Variants in COL5A2 observed in about 807,000 individuals in gnomAD.
COL5A2 encodes collagen type V alpha 2 chain.
COL5A2 carries 23 observed loss-of-function variants against 208.2 expected under a neutral mutation model. The ratio of observed to expected loss-of-function variants is 0.11; its 90% CI spans 0.08 to 0.16. The LOEUF is 0.16. COL5A2 is among the 10% of genes least tolerant of loss of function. The pLI is 1.00. For synonymous variants in COL5A2, 625 were observed against 628.5 expected (o/e 0.99, Z 0.08); for missense variants, 1,590 against 1,956.4 (o/e 0.81, Z 3.53).
chr2:189,189,480 TA>T (rs1179439647), intron 1 of COL5A2, among the ~76,000 whole-genome samples: 1 of 152,072 alleles, frequency 6.6e-6, no homozygotes, highest in African/African-American at 2.4e-5. Context: ...GGCCAGGAGT[TA>T]AAGACCAGCC....
rs1296613540 is a variant in COL5A2 at position 189,085,155 on chromosome 2, C to T, written c.798+5G>A. 6 of 1,611,182 alleles carry T rather than the reference C, an allele frequency of 3.7e-6. No individual in the cohort carries two copies. Among genetic ancestry groups the T allele is most frequent in the Non-Finnish European group, 5.1e-6 (6 of 1,178,372 alleles). ...CTGAATGGAAAATGAGGAAAGGTAG[C>T]TTACATCTTCCCCAGGTTTACCAGG... On this transcript the variant is annotated splice_donor_5th_base_variant and intron_variant, in intron 11 of 53. Coordinates refer to ENST00000374866, the MANE Select transcript of COL5A2 (RefSeq NM_000393.5).
At chr2:189,370,028 C>T in the COL5A2 span, among the ~76,000 whole-genome samples, 1 of 152,136 alleles carries the variant, frequency 6.6e-6, no homozygotes, top group South Asian at 2.1e-4. Flanking sequence ...GTTCTATGTG[C>T]TTTACATTTT....
chr2:189,340,064 T>C, the COL5A2 span, among the ~76,000 whole-genome samples: 1 of 152,144 alleles, frequency 6.6e-6, no homozygotes, highest in Non-Finnish European at 1.5e-5. Context: ...AGGGGTGTCA[T>C]GGGATAAGGC....
At chr2:189,378,941 C>T in the COL5A2 span, among the ~76,000 whole-genome samples, 104 of 152,028 alleles carry the variant, frequency 6.8e-4, no homozygotes, top group African/African-American at 2.3e-3. Flanking sequence ...ATGATACAGG[C>T]TTATTATTAA....
intron 25 of COL5A2, 29 bp downstream of exon 25, chr2:189,064,528 G>A: frequency 6.7e-7 from 1 of 1,487,480 alleles, no homozygotes. Context: ...TCTCCCCTTT[G>A]ATGTAGCAAA....
chr2:189,404,854 C>T, the COL5A2 span, among the ~76,000 whole-genome samples: 2 of 152,168 alleles, frequency 1.3e-5, no homozygotes, highest in South Asian at 2.1e-4. Flanking sequence ...ATTTATATTG[C>T]TGAGTAGTAT....
rs75534827 is a variant in COL5A2, at chr2:189,117,979, T to A, written c.98-7530A>T. 8.3e-3 allele frequency among the ~76,000 whole-genome samples: 1,261 copies of A among 152,244 alleles called. 17 individuals are homozygous for A. The highest frequency in any genetic ancestry group is 0.028 in the African/African-American group (1,165 of 41,570). ...AGTTGTTTGCTTAAGAAGCTTTATA[T>A]GGTAAAGTCATTTCATAATATTCTT... On this transcript the variant is annotated intron_variant, in intron 1 of 53. Transcript: ENST00000374866.
At chr2:189,063,525 G>A (rs975813144) in intron 26 of COL5A2, among the ~76,000 whole-genome samples, 8 of 152,010 alleles carry the variant, frequency 5.3e-5, no homozygotes, top group Non-Finnish European at 1.0e-4. Flanking sequence ...TATTAATAGG[G>A]GAAATCTTTC....
exon 1 of COL5A2, among the ~76,000 whole-genome samples, chr2:189,225,233 C>CT: frequency 6.6e-6 from 1 of 152,204 alleles, no homozygotes; most frequent in East Asian, 1.9e-4. Flanking sequence ...AGCAGCAACT[C>CT]TAGGATCCAA....
chr2:189,303,240 G>A, the COL5A2 span, among the ~76,000 whole-genome samples: 50 of 152,104 alleles, frequency 3.3e-4, no homozygotes, highest in Admixed American at 2.1e-3. Context: ...ACAGTTTCAC[G>A]CATGCATGGA....
At chr2:189,176,320 T>C (rs549709674) in intron 1 of COL5A2, among the ~76,000 whole-genome samples, 98 of 152,312 alleles carry the variant, frequency 6.4e-4, no homozygotes, top group African/African-American at 2.2e-3. Flanking sequence ...TAATTCTGAA[T>C]GCCTTAAAGT....
At chr2:189,049,698 T>C (rs1685744209) in intron 43 of COL5A2, among the ~76,000 whole-genome samples, 1 of 152,186 alleles carries the variant, frequency 6.6e-6, no homozygotes, top group African/African-American at 2.4e-5. Flanking sequence ...AGGTGTGCAT[T>C]TTGGGTTCTA....
chr2:189,207,909 T>A (rs1361292585), intron 1 of COL5A2, among the ~76,000 whole-genome samples: 1 of 152,202 alleles, frequency 6.6e-6, no homozygotes, highest in South Asian at 2.1e-4. Context: ...ACTCTTGCCA[T>A]TTGGGGTCAT....
At chr2:189,187,470 T>G (rs1688867058) in intron 1 of COL5A2, among the ~76,000 whole-genome samples, 1 of 152,212 alleles carries the variant, frequency 6.6e-6, no homozygotes, top group Non-Finnish European at 1.5e-5. Context: ...ACGTCTTTTC[T>G]GCTTTTCAAT....
At chr2:189,279,748 T>C in the COL5A2 span, among the ~76,000 whole-genome samples, 1 of 152,116 alleles carries the variant, frequency 6.6e-6, no homozygotes, top group African/African-American at 2.4e-5. Context: ...TAAAATAATT[T>C]ACAAGAACAA....
At chr2:189,092,212 G>A (rs1245251337) in intron 7 of COL5A2, 98 bp downstream of exon 7, 13 of 797,270 alleles carry the variant, frequency 1.6e-5, no homozygotes, top group Non-Finnish European at 2.6e-5. Context: ...TTACAGTCAA[G>A]TGTCAATATC....
the COL5A2 span, among the ~76,000 whole-genome samples, chr2:189,315,693 G>A: frequency 6.6e-6 from 1 of 152,036 alleles, no homozygotes; most frequent in Non-Finnish European, 1.5e-5. Flanking sequence ...CCTTGTCTAG[G>A]CCCAAAAGCT....
chr2:189,061,128 GT>G (rs908473324), intron 30 of COL5A2, among the ~76,000 whole-genome samples: 4 of 151,836 alleles, frequency 2.6e-5, no homozygotes, highest in Non-Finnish European at 5.9e-5. Flanking sequence ...AGTCCAGAAA[GT>G]TTTTTTTACA....
At position 189,063,208 on chromosome 2, in the gene COL5A2, G is replaced by A. The variant is rs765364009; in HGVS notation, c.1833C>T (p.Pro611=). 90 of 1,613,996 alleles carry A rather than the reference G, an allele frequency of 5.6e-5. No homozygotes were observed. The highest frequency in any genetic ancestry group is 7.1e-5 in the Non-Finnish European group (84 of 1,180,020). The change falls in exon 27 of 54, where the codon CCC becomes CCT. Residue 611 remains proline, a synonymous_variant. Coordinates refer to ENST00000374866, the MANE Select transcript of COL5A2 (RefSeq NM_000393.5). ...TGGGGCCTGGAAGGCCCATGCTCCC[G>A]GGCTGCCCTCTGATTCCTATGGAGC... The part of the protein sequence containing the change: ...PPGSIGIRGQ[P]GSMGLPGPKG...
Sources: allele counts gnomAD v4.1 joint callset (sites outside exome capture counted in the v4.1 genomes callset), GRCh38; gene constraint gnomAD v4.1.1; transcripts MANE v1.5; gene names NCBI Gene and HGNC (gene_info 2026-07-23, HGNC 2026-07-21).